AGBL1: variants seen among roughly 807,000 people sequenced by gnomAD.
AGBL1 encodes the protein cytosolic carboxypeptidase 4.
AGBL1 carries 130 observed loss-of-function variants against 118.9 expected under a neutral mutation model. The ratio of observed to expected loss-of-function variants is 1.09; its 90% CI spans 0.95 to 1.26. AGBL1 has a LOEUF of 1.26. AGBL1 is among the 50% of genes most tolerant of loss of function. AGBL1 has a pLI of 0.00. For missense variants in AGBL1, 1,584 were observed against 1,298.1 expected (o/e 1.22, Z -3.38); for synonymous variants, 555 against 478.9 (o/e 1.16, Z -2.08).
intron 18 of AGBL1, among the ~76,000 whole-genome samples, chr15:86,488,534 G>A (rs1453970830): frequency 6.6e-6 from 1 of 151,934 alleles, no homozygotes; most frequent in Non-Finnish European, 1.5e-5. Context: ...TAAAATCTAT[G>A]GGGTCACAAA....
At chr15:86,804,553 G>A (rs1485382138) in intron 22 of AGBL1, among the ~76,000 whole-genome samples, 1 of 151,980 alleles carries the variant, frequency 6.6e-6, no homozygotes, top group Non-Finnish European at 1.5e-5. Context: ...AGGAAGCGAA[G>A]CCAAATATGA....
chr15:86,313,313 G>A (rs569017692), intron 17 of AGBL1, among the ~76,000 whole-genome samples: 1 of 151,720 alleles, frequency 6.6e-6, no homozygotes, highest in East Asian at 1.9e-4. Flanking sequence ...GAACTCTTTA[G>A]AAAAAAAACA....
chr15:86,604,842 T>G (rs1454434499), intron 21 of AGBL1, among the ~76,000 whole-genome samples: 4 of 149,272 alleles, frequency 2.7e-5, no homozygotes, highest in Non-Finnish European at 4.5e-5. Context: ...GTTGCCCAGG[T>G]TAGAGTACAA....
At chr15:86,375,676 G>C (rs547579365) in intron 17 of AGBL1, among the ~76,000 whole-genome samples, 2 of 152,304 alleles carry the variant, frequency 1.3e-5, no homozygotes, top group East Asian at 3.9e-4. Context: ...GACCACATGA[G>C]CAAGTACATG....
intron 21 of AGBL1, among the ~76,000 whole-genome samples, chr15:86,640,855 CCT>C (rs2085178314): frequency 6.6e-6 from 1 of 152,040 alleles, no homozygotes; most frequent in African/African-American, 2.4e-5. Context: ...TAGAAGATTG[CCT>C]CTCTTATCCC....
At chr15:86,360,146 C>A (rs939347232) in intron 17 of AGBL1, among the ~76,000 whole-genome samples, 3 of 151,850 alleles carry the variant, frequency 2.0e-5, no homozygotes, top group African/African-American at 7.2e-5. Context: ...TTTTGGCTTT[C>A]CCTATTGATT....
At chr15:86,545,161 G>A (rs888924606) in intron 19 of AGBL1, among the ~76,000 whole-genome samples, 1 of 152,178 alleles carries the variant, frequency 6.6e-6, no homozygotes, top group Admixed American at 6.5e-5. Flanking sequence ...AGAGTAGCAT[G>A]TTTCAAATTA....
At chr15:86,574,454 A>G (rs1199347312) in intron 21 of AGBL1, among the ~76,000 whole-genome samples, 1 of 152,186 alleles carries the variant, frequency 6.6e-6, no homozygotes, top group African/African-American at 2.4e-5. Context: ...CAAGGGCCCA[A>G]CAAGAACTGG....
intron 18 of AGBL1, among the ~76,000 whole-genome samples, chr15:86,465,157 C>G (rs1009236744): frequency 6.6e-6 from 1 of 152,070 alleles, no homozygotes; most frequent in Non-Finnish European, 1.5e-5. Context: ...GTTAGTTCCC[C>G]AAATTAATAC....
intron 18 of AGBL1, among the ~76,000 whole-genome samples, chr15:86,494,567 A>C (rs1434827008): frequency 6.6e-6 from 1 of 152,076 alleles, no homozygotes; most frequent in African/African-American, 2.4e-5. Flanking sequence ...CAGTCAACCT[A>C]ATCTTGACAG....
chr15:86,850,273 A>C (rs1207860992), intron 22 of AGBL1, among the ~76,000 whole-genome samples: 1 of 146,998 alleles, frequency 6.8e-6, no homozygotes, highest in Non-Finnish European at 1.5e-5. Context: ...TTACTTATTC[A>C]TTTCTTCATC....
intron 4 of AGBL1, among the ~76,000 whole-genome samples, chr15:86,155,806 T>G (rs1032080425): frequency 6.6e-6 from 1 of 152,204 alleles, no homozygotes; most frequent in Non-Finnish European, 1.5e-5. Flanking sequence ...TTTACAAAAT[T>G]ACAGTAGTAA....
At chr15:86,207,073 T>A (rs1277400338) in intron 5 of AGBL1, among the ~76,000 whole-genome samples, 1 of 152,222 alleles carries the variant, frequency 6.6e-6, no homozygotes, top group African/African-American at 2.4e-5. Flanking sequence ...AGGGAATCCT[T>A]TCCCCGTTTC....
At chr15:86,898,759 A>C (rs2080168939) in intron 22 of AGBL1, among the ~76,000 whole-genome samples, 2 of 152,202 alleles carry the variant, frequency 1.3e-5, no homozygotes, top group African/African-American at 4.8e-5. Context: ...AAAGAAGACA[A>C]ATAGGTGGCA....
intron 22 of AGBL1, among the ~76,000 whole-genome samples, chr15:86,813,080 T>C (rs1383965979): frequency 4.6e-5 from 7 of 151,692 alleles, no homozygotes; most frequent in African/African-American, 1.7e-4. Context: ...TGTTGGGAGA[T>C]GAAAGAAGGA....
In AGBL1 at chr15:86,653,749, C is replaced by A. The variant is rs377470444; in HGVS notation, c.2995-20524C>A. 5.5e-4 allele frequency among the ~76,000 whole-genome samples: 83 copies of A among 152,246 alleles called. No individual in the cohort carries two copies. The East Asian group carries it at 0.011, about 20-fold the overall frequency. On this transcript the variant is annotated intron_variant, in intron 21 of 22. Transcript: ENST00000614907. ...AAGAGCTCATTTCAAATATGCCTTTCATCATGATGGCTTTCCACTTGGTGC... is the reference window on the plus strand; with the variant it reads ...AAGAGCTCATTTCAAATATGCCTTTAATCATGATGGCTTTCCACTTGGTGC...
intron 18 of AGBL1, among the ~76,000 whole-genome samples, chr15:86,426,789 T>G (rs896784441): frequency 1.3e-5 from 2 of 152,192 alleles, no homozygotes; most frequent in African/African-American, 2.4e-5. Flanking sequence ...TATTAAGAGA[T>G]GGAGTCTCAC....
intron 3 of AGBL1, among the ~76,000 whole-genome samples, chr15:86,153,510 G>T (rs1001378801): frequency 1.3e-5 from 2 of 152,060 alleles, no homozygotes; most frequent in Non-Finnish European, 1.5e-5. Context: ...GGCCTGTCGT[G>T]GGGTGGGGGG....
intron 21 of AGBL1, among the ~76,000 whole-genome samples, chr15:86,628,328 G>A (rs1484307697): frequency 6.6e-6 from 1 of 152,114 alleles, no homozygotes; most frequent in African/African-American, 2.4e-5. Context: ...ATTCAGTTAG[G>A]AGACATAGTT....
Sources: allele counts gnomAD v4.1 joint callset (sites outside exome capture counted in the v4.1 genomes callset), GRCh38; gene constraint gnomAD v4.1.1; transcripts MANE v1.5; gene names NCBI Gene and HGNC (gene_info 2026-07-23, HGNC 2026-07-21).